CNTN5: variants seen among roughly 807,000 people sequenced by gnomAD.
The protein encoded by CNTN5 is contactin 5, also known as contactin-5.
A neutral mutation model predicts 129.1 loss-of-function variants in CNTN5; 77 were observed. The observed-to-expected ratio is 0.60, with a 90% confidence interval of 0.50 to 0.72. The LOEUF (loss-of-function observed/expected upper bound fraction) is 0.72. Among genes scored for constraint, CNTN5 ranks in the 30% least tolerant of loss-of-function variants. CNTN5 has a pLI of 0.00. For missense variants in CNTN5, 1,478 were observed against 1,328.8 expected, an observed-to-expected ratio of 1.11 and a Z score of -1.75; for synonymous variants, 509 against 465.6, an observed-to-expected ratio of 1.09 and a Z score of -1.20.
chr11:100,200,273 G>A (rs7943170), intron 15 of CNTN5, among the ~76,000 whole-genome samples: 2,844 of 151,890 alleles, frequency 0.019, 100 homozygotes, highest in African/African-American at 0.065. Flanking sequence ...TGTGAAGTGC[G>A]TCTCTTCACT....
At chr11:99,414,719 T>C (rs2135025557) in intron 2 of CNTN5, among the ~76,000 whole-genome samples, 1 of 152,062 alleles carries the variant, frequency 6.6e-6, no homozygotes, top group African/African-American at 2.4e-5. Context: ...CTGGGGGAAA[T>C]TATTTCAAGC....
chr11:99,544,302 C>T (rs985184827), intron 2 of CNTN5, among the ~76,000 whole-genome samples: 8 of 152,070 alleles, frequency 5.3e-5, no homozygotes, highest in African/African-American at 1.2e-4. Flanking sequence ...TCCAACACTG[C>T]GAATTACAAC....
intron 3 of CNTN5, among the ~76,000 whole-genome samples, chr11:99,793,599 C>G (rs1484483657): frequency 2.0e-5 from 3 of 151,974 alleles, no homozygotes; most frequent in African/African-American, 7.3e-5. Flanking sequence ...TGTATGTGTC[C>G]CAGAGATTAT....
chr11:99,613,697 T>C (rs1262304531), intron 3 of CNTN5, among the ~76,000 whole-genome samples: 1 of 152,190 alleles, frequency 6.6e-6, no homozygotes, highest in Non-Finnish European at 1.5e-5. Flanking sequence ...AATATCAGGA[T>C]GATATATTTG....
intron 9 of CNTN5, among the ~76,000 whole-genome samples, chr11:100,042,527 G>A (rs1010371132): frequency 6.6e-6 from 1 of 152,082 alleles, no homozygotes; most frequent in African/African-American, 2.4e-5. Context: ...TTTGCAGTTG[G>A]GGAGTACTTT....
At chr11:99,154,783 A>G (rs1860253062) in intron 1 of CNTN5, among the ~76,000 whole-genome samples, 1 of 152,056 alleles carries the variant, frequency 6.6e-6, no homozygotes, top group Non-Finnish European at 1.5e-5. Flanking sequence ...GGGCCTTGGG[A>G]GAGGATAGCA....
At chr11:99,128,091 C>A (rs758111013) in intron 1 of CNTN5, among the ~76,000 whole-genome samples, 4 of 152,150 alleles carry the variant, frequency 2.6e-5, no homozygotes, top group Non-Finnish European at 5.9e-5. Flanking sequence ...AACAGGAGAA[C>A]TGTCCACTGT....
intron 6 of CNTN5, among the ~76,000 whole-genome samples, chr11:99,898,143 G>A (rs1300703808): frequency 1.3e-5 from 2 of 151,146 alleles, no homozygotes; most frequent in African/African-American, 4.8e-5. Flanking sequence ...AGCTGGAAAT[G>A]TAATGCTGCA....
intron 9 of CNTN5, among the ~76,000 whole-genome samples, chr11:100,046,300 A>T (rs1591125310): frequency 6.6e-6 from 1 of 152,214 alleles, no homozygotes; most frequent in African/African-American, 2.4e-5. Context: ...GAACTAAAAC[A>T]GTACCAAGAG....
intron 21 of CNTN5, among the ~76,000 whole-genome samples, chr11:100,322,865 T>A (rs528763432): frequency 7.2e-5 from 11 of 152,172 alleles, no homozygotes; most frequent in Admixed American, 6.5e-4. Flanking sequence ...ATATCTGATA[T>A]ATAATATACA....
At chr11:99,201,426 C>G (rs1173080663) in intron 1 of CNTN5, among the ~76,000 whole-genome samples, 1 of 146,760 alleles carries the variant, frequency 6.8e-6, no homozygotes, top group East Asian at 2.0e-4. Context: ...TTCCTTTTTT[C>G]CTTCCTTCCT....
At chr11:99,402,463 T>A (rs1402621292) in intron 2 of CNTN5, among the ~76,000 whole-genome samples, 2 of 152,188 alleles carry the variant, frequency 1.3e-5, no homozygotes, top group East Asian at 1.9e-4. Flanking sequence ...ATTGTTGAAT[T>A]TGGTTTGCTA....
intron 20 of CNTN5, 151 bp from the exon 21 acceptor site, chr11:100,308,208 A>T (rs1951398265): frequency 3.3e-6 from 2 of 608,210 alleles, no homozygotes; most frequent in East Asian, 3.0e-5. Context: ...ATCCAAAAGG[A>T]TCACCTTTAT....
intron 13 of CNTN5, among the ~76,000 whole-genome samples, chr11:100,173,892 A>G (rs1313912750): frequency 6.6e-6 from 1 of 152,122 alleles, no homozygotes; most frequent in Non-Finnish European, 1.5e-5. Flanking sequence ...TACACAGAGA[A>G]GGAAAGGAAC....
chr11:99,854,851 A>G (rs1017316743), intron 6 of CNTN5, among the ~76,000 whole-genome samples: 3 of 152,184 alleles, frequency 2.0e-5, no homozygotes, highest in Non-Finnish European at 4.4e-5. Context: ...ACAGACCTAA[A>G]CTTCAGGAAT....
intron 15 of CNTN5, among the ~76,000 whole-genome samples, chr11:100,194,616 A>T (rs1376010741): frequency 6.6e-6 from 1 of 151,878 alleles, no homozygotes; most frequent in African/African-American, 2.4e-5. Context: ...AAAAAAAAAA[A>T]AGCCCTAAAT....
chr11:99,862,325 C>T (rs1002463854), intron 6 of CNTN5, among the ~76,000 whole-genome samples: 19 of 150,420 alleles, frequency 1.3e-4, no homozygotes, highest in African/African-American at 4.9e-5. Context: ...TGAAACTCTT[C>T]GGCCACAAAG....
rs1204239871 is a variant in CNTN5 at position 100,135,396 on chromosome 11, C to T, written c.1581-55730C>T. ...TTCACCATTTTAACCAGGATGGTCT[C>T]GATCTCCTGACCTTATGATCCTCCT... On this transcript the variant is annotated intron_variant, in intron 13 of 24. Coordinates refer to ENST00000524871, the MANE Select transcript of CNTN5 (RefSeq NM_014361.4). 3.9e-5 allele frequency among the ~76,000 whole-genome samples: 6 copies of T among 152,022 alleles called. No individual in the cohort carries two copies. In the East Asian group the frequency reaches 5.8e-4, roughly 15 times the overall value.
intron 3 of CNTN5, among the ~76,000 whole-genome samples, chr11:99,802,768 C>T (rs896559767): frequency 1.1e-4 from 17 of 152,086 alleles, no homozygotes; most frequent in African/African-American, 4.1e-4. Flanking sequence ...TCCCCTGCAC[C>T]GGGATCTCTT....
Sources: gnomAD v4.1 joint callset for allele counts (sites outside exome capture counted in the v4.1 genomes callset) on GRCh38, gnomAD v4.1.1 for gene constraint, MANE v1.5 for transcripts, NCBI Gene and HGNC (gene_info 2026-07-23, HGNC 2026-07-21) for gene names.